Variants in CNTN4 observed in about 807,000 individuals in gnomAD.
The protein encoded by CNTN4 is contactin-4.
In CNTN4, 77 loss-of-function variants were observed where a neutral mutation model predicts 122.5. The observed-to-expected ratio is 0.63, with a 90% confidence interval of 0.52 to 0.76. The LOEUF (loss-of-function observed/expected upper bound fraction) is 0.76, where lower values mean the gene tolerates loss of function less well. Ranked by LOEUF, CNTN4 falls within the 30% of genes least tolerant of loss-of-function variation. The probability of loss-of-function intolerance (pLI) is 0.00; values close to 1 mark genes in which losing one functional copy is unlikely to be tolerated. For synonymous variants in CNTN4, 512 were observed against 447.0 expected, an observed-to-expected ratio of 1.15 and a Z score of -1.83; for missense variants, 1,256 against 1,259.1, an observed-to-expected ratio of 1.00 and a Z score of 0.04.
chr3:2,496,582 A>G (rs1010115982), intron 3 of CNTN4, among the ~76,000 whole-genome samples: 1 of 152,154 alleles, frequency 6.6e-6, no homozygotes, highest in Non-Finnish European at 1.5e-5. Context: ...TCCTGGAGAT[A>G]GGCTCTGTGA....
intron 2 of CNTN4, among the ~76,000 whole-genome samples, chr3:2,295,353 T>C (rs1252122589): frequency 7.4e-6 from 1 of 134,890 alleles, no homozygotes; most frequent in Non-Finnish European, 1.6e-5. Context: ...TTTCCTGACT[T>C]TTGAATGATC....
chr3:2,896,937 T>C (rs937646543), intron 10 of CNTN4, among the ~76,000 whole-genome samples: 1 of 151,706 alleles, frequency 6.6e-6, no homozygotes, highest in Non-Finnish European at 1.5e-5. Flanking sequence ...GAGGGTTTTT[T>C]TTTTTTTTTT....
At chr3:2,296,026 C>T (rs1244521317) in intron 2 of CNTN4, among the ~76,000 whole-genome samples, 1 of 152,056 alleles carries the variant, frequency 6.6e-6, no homozygotes, top group East Asian at 1.9e-4. Context: ...TGTTCTGTTC[C>T]ATTGATCTAT....
rs190006039 is a variant in CNTN4 at position 2,673,559 on chromosome 3, G to A, written c.56-62656G>A. Among the ~76,000 whole-genome samples the A allele has an allele frequency of 1.8e-4, 28 of 151,830 alleles. No individual in the cohort carries two copies. In the East Asian group the frequency reaches 3.3e-3, roughly 18 times the overall value. ...AGTTTTTTGTTTTTTGTTTTGTTTC[G>A]AGGTGGTGTCTCATTCTGTCGCCCA... On this transcript the variant is annotated intron_variant, in intron 4 of 24. Coordinates refer to ENST00000418658, the MANE Select transcript of CNTN4 (RefSeq NM_175607.3).
intron 3 of CNTN4, among the ~76,000 whole-genome samples, chr3:2,451,103 G>A (rs950176509): frequency 6.6e-6 from 1 of 152,098 alleles, no homozygotes; most frequent in African/African-American, 2.4e-5. Context: ...AAGGTATTTG[G>A]TTTTCTCCTT....
At chr3:2,877,398 T>A (rs2093856863) in intron 8 of CNTN4, among the ~76,000 whole-genome samples, 1 of 152,248 alleles carries the variant, frequency 6.6e-6, no homozygotes, top group African/African-American at 2.4e-5. Context: ...GTATCTCTCT[T>A]ACTCCAAAGA....
chr3:2,819,420 G>A, intron 6 of CNTN4, 66 bp from the exon 7 acceptor site: 1 of 1,204,368 alleles, frequency 8.3e-7, no homozygotes, highest in Non-Finnish European at 1.2e-6. Flanking sequence ...TTGAAATAGT[G>A]GTACTCTCCC....
intron 12 of CNTN4, among the ~76,000 whole-genome samples, chr3:2,906,553 G>A (rs2094235149): frequency 6.6e-6 from 1 of 151,982 alleles, no homozygotes; most frequent in Non-Finnish European, 1.5e-5. Flanking sequence ...AAAGAAAGAT[G>A]GTGGCCGGGC....
chr3:2,706,259 T>C (rs1223894355), intron 4 of CNTN4, among the ~76,000 whole-genome samples: 1 of 151,954 alleles, frequency 6.6e-6, no homozygotes, highest in Non-Finnish European at 1.5e-5. Flanking sequence ...CATTCTGTGG[T>C]TTATGCCCAA....
chr3:2,211,478 A>G (rs920000788), intron 2 of CNTN4, among the ~76,000 whole-genome samples: 1 of 152,232 alleles, frequency 6.6e-6, no homozygotes, highest in African/African-American at 2.4e-5. Flanking sequence ...TCTATGCCCC[A>G]CATTGATTTT....
At position 2,159,341 on chromosome 3, in the gene CNTN4, T is replaced by C. The variant is rs116478189; in HGVS notation, c.-145+58702T>C. On this transcript the variant is annotated intron_variant, in intron 2 of 24. Coordinates refer to ENST00000418658, the MANE Select transcript of CNTN4 (RefSeq NM_175607.3). ...CTCTTCCTTATGAACTTTCTTAATA[T>C]TTTAACAATATCAAAACAGAAAAAA... Among the ~76,000 whole-genome samples the C allele has an allele frequency of 4.8e-3, 736 of 152,220 alleles. 6 individuals are homozygous for C. The highest frequency in any genetic ancestry group is 0.017 in the African/African-American group (695 of 41,478).
chr3:2,456,743 A>G lies in CNTN4; in HGVS notation c.-88-114673A>G, dbSNP rs557119105. On this transcript the variant is annotated intron_variant, in intron 3 of 24. Coordinates refer to ENST00000418658, the MANE Select transcript of CNTN4 (RefSeq NM_175607.3). ...AAATAATATTCCACTGTGTATATAT[A>G]CCGCATTTTGTTTATCCATTCGTCT... 7.2e-5 allele frequency among the ~76,000 whole-genome samples: 11 copies of G among 152,248 alleles called. No homozygotes were observed. In the South Asian group the frequency reaches 1.9e-3, roughly 26 times the overall value.
At chr3:2,663,595 G>A (rs1444130228) in intron 4 of CNTN4, among the ~76,000 whole-genome samples, 1 of 152,140 alleles carries the variant, frequency 6.6e-6, no homozygotes, top group Non-Finnish European at 1.5e-5. Flanking sequence ...GTCTAAAGGA[G>A]AAAGAAAATC....
intron 13 of CNTN4, among the ~76,000 whole-genome samples, chr3:2,943,805 G>T (rs1035846952): frequency 5.3e-5 from 8 of 151,330 alleles, no homozygotes; most frequent in Non-Finnish European, 1.0e-4. Flanking sequence ...TGTATTTATA[G>T]TAGAGATGGG....
intron 7 of CNTN4, 116 bp from the exon 8 acceptor site, chr3:2,866,635 GA>G (rs1214595713): frequency 4.9e-6 from 6 of 1,233,018 alleles, no homozygotes; most frequent in Non-Finnish European, 7.0e-6. Context: ...TTAGTGGGCT[GA>G]AAAAGAGTCA....
In CNTN4 at chr3:2,946,321, T is replaced by G. The variant is rs1037875538; in HGVS notation, c.1358+20542T>G. 4.6e-5 allele frequency among the ~76,000 whole-genome samples: 7 copies of G among 152,198 alleles called. No homozygotes were observed. The East Asian group carries it at 1.2e-3, about 25-fold the overall frequency. On this transcript the variant is annotated intron_variant, in intron 13 of 24. Coordinates refer to ENST00000418658, the MANE Select transcript of CNTN4 (RefSeq NM_175607.3). ...CCTGAACTTTCTGTCATGCGTGGCT[T>G]TCCAAGCCGTGGGATTTATTGGTTT...
At chr3:2,567,103 T>G (rs552522236) in intron 3 of CNTN4, among the ~76,000 whole-genome samples, 14 of 147,396 alleles carry the variant, frequency 9.5e-5, no homozygotes, top group African/African-American at 3.5e-4. Flanking sequence ...TTTCTTTTTT[T>G]CAGACGGAGT....
chr3:2,246,675 T>G (rs1466806371), intron 2 of CNTN4, among the ~76,000 whole-genome samples: 1 of 151,966 alleles, frequency 6.6e-6, no homozygotes, highest in Non-Finnish European at 1.5e-5. Flanking sequence ...ACAAACAGCT[T>G]ATAATAATTA....
intron 4 of CNTN4, among the ~76,000 whole-genome samples, chr3:2,576,454 A>G (rs1007855044): frequency 1.3e-5 from 2 of 152,186 alleles, no homozygotes; most frequent in African/African-American, 4.8e-5. Context: ...AAATATCTAA[A>G]GTATTAAAAT....
Sources: gnomAD v4.1 joint callset for allele counts (sites outside exome capture counted in the v4.1 genomes callset) on GRCh38, gnomAD v4.1.1 for gene constraint, MANE v1.5 for transcripts, NCBI Gene and HGNC (gene_info 2026-07-23, HGNC 2026-07-21) for gene names.